The following IFT172 variants were observed in gnomAD, a reference collection of about 807,000 sequenced individuals.
IFT172 encodes the protein intraflagellar transport 172.
In IFT172, 164 loss-of-function variants were observed where a neutral mutation model predicts 248.9. That is an observed-to-expected ratio of 0.66 (90% CI 0.58 to 0.75). The LOEUF (loss-of-function observed/expected upper bound fraction) is 0.75, where lower values mean the gene tolerates loss of function less well. Among genes scored for constraint, IFT172 ranks in the 30% least tolerant of loss-of-function variants. IFT172 has a pLI of 0.00. For missense variants in IFT172, 1,950 were observed against 2,192.4 expected (o/e 0.89, Z 2.21); for synonymous variants, 729 against 791.6 (o/e 0.92, Z 1.33).
chr2:27,454,348 A>G lies in IFT172; in HGVS notation c.3530+6T>C. ...ACAGTATTAAGGAATGTATGGGGTA[A>G]CTCACATGAGGACTGCCTCCTTGGG... On this transcript the variant is annotated splice_donor_region_variant and intron_variant, in intron 32 of 47. Coordinates refer to ENST00000260570, the MANE Select transcript of IFT172 (RefSeq NM_015662.3). This position sits in a 1 kb window ranked among gnomAD's most constrained non-coding sequence, Gnocchi z 4.2. The G allele has an allele frequency of 6.2e-7, 1 of 1,614,116 alleles. No homozygotes were observed. The highest frequency in any genetic ancestry group is 8.5e-7 in the Non-Finnish European group (1 of 1,180,006).
intron 10 of IFT172, 55 bp downstream of exon 10, chr2:27,479,454 T>C: frequency 1.0e-6 from 1 of 956,350 alleles, no homozygotes; most frequent in Non-Finnish European, 1.7e-6. Flanking sequence ...GGAAATGTTA[T>C]AAGGAGGAAT....
chr2:27,463,057 T>C, intron 19 of IFT172, 40 bp downstream of exon 19: 4 of 1,601,714 alleles, frequency 2.5e-6, no homozygotes, highest in Non-Finnish European at 3.4e-6. Context: ...AGAAATCAGC[T>C]TGGGAGACAG....
At chr2:27,481,581 G>A (rs1477099292) in intron 7 of IFT172, among the ~76,000 whole-genome samples, 15 of 148,124 alleles carry the variant, frequency 1.0e-4, no homozygotes, top group African/African-American at 3.5e-4. Context: ...TCACTCTGCC[G>A]CCCAGGCTGG....
chr2:27,458,302 G>A, intron 26 of IFT172, 79 bp from the exon 27 acceptor site: 1 of 1,179,156 alleles, frequency 8.5e-7, no homozygotes, highest in Admixed American at 1.7e-5. Context: ...TGCTTGTTCA[G>A]AAACTCTGAA....
rs1190898841 is a variant in IFT172 at position 27,456,603 on chromosome 2, C to T, written c.3279G>A (p.Leu1093=). ...CCTCTCCTCCCAGGCTCTTTGCCCA[C>T]AGATAGGCCACGTGTTTGTGGGCAT... is the stretch of plus-strand genomic sequence containing the variant. ...GANAHKHVAY[L]WAKSLGGEAA... The change falls in exon 30 of 48, where the codon CTG becomes CTA. Residue 1093 remains leucine (L), a synonymous_variant. Transcript: ENST00000260570. 6.2e-7 allele frequency: 1 copy of T among 1,614,208 alleles called. No individual in the cohort carries two copies. The highest frequency in any genetic ancestry group is 8.5e-7 in the Non-Finnish European group (1 of 1,180,030).
Position 27,459,758 on chromosome 2 carries a change from C to T in IFT172, c.2593G>A (p.Val865Met), listed in dbSNP as rs758674130. 35 of 1,612,984 alleles carry T rather than the reference C, an allele frequency of 2.2e-5. No homozygotes were observed. The South Asian group carries it at 3.3e-4, about 15-fold the overall frequency. ...KLEEAWGDHLVQQKQLDAAIN... is the reference protein window; with the variant it reads ...KLEEAWGDHLMQQKQLDAAIN... ...GCTGCATCAAGCTGCTTCTGCTGCA[C>T]CAGGTGGTCCCCCCATGCCTCCTCT... The change falls in exon 24 of 48, where the codon GTG becomes ATG. Residue 865 changes from valine to methionine, a missense_variant. Val to Met is a conservative substitution (Grantham distance 21). Transcript: ENST00000260570.
chr2:27,485,153 A>G, intron 2 of IFT172, 23 bp from the exon 3 acceptor site: 1 of 1,468,160 alleles, frequency 6.8e-7, no homozygotes, highest in Non-Finnish European at 9.4e-7. Context: ...AAAAAAAAAA[A>G]GAAAGAAAAA....
intron 30 of IFT172, chr2:27,455,299 G>A (rs908903093): frequency 9.0e-6 from 3 of 331,934 alleles, no homozygotes; most frequent in South Asian, 2.6e-5. Flanking sequence ...GTAAATTGGC[G>A]ATTTTGAAAT....
In IFT172 at chr2:27,453,397, T is replaced by C. The variant is rs772455105; in HGVS notation, c.3938A>G (p.Lys1313Arg). Reference protein sequence around the residue: ...RDSGNSGLAEKCWMKAAELSI... With the variant: ...RDSGNSGLAERCWMKAAELSI... ...TGCTGTCCTCACCTTCATCCAGCAC[T>C]TCTCCGCCAGGCCGCTGTTTCCAGA... The change falls in exon 35 of 48, where the codon AAG becomes AGG. Residue 1313 changes from lysine (K) to arginine (R), a missense_variant. Physicochemically the swap from Lys to Arg is conservative, Grantham distance 26 (BLOSUM62 2). Transcript: ENST00000260570. 6.8e-6 allele frequency: 11 copies of C among 1,614,220 alleles called. No homozygotes were observed. The highest frequency in any genetic ancestry group is 9.3e-6 in the Non-Finnish European group (11 of 1,180,044).
Position 27,485,070 on chromosome 2 carries a change from CAATTTTAGTGGAATCAGGAG to C in IFT172, c.224_243del (p.Ser75CysfsTer6). ...ATGATGTTGTCAGTCTGTCCTATGGCAATTTTAGTGGAATCAGGAGAAAAAGCCATGCCCTTCACCATATA... is the reference window on the plus strand; with the variant it reads ...ATGATGTTGTCAGTCTGTCCTATGGCAAAAAGCCATGCCCTTCACCATATA... On this transcript the variant is annotated frameshift_variant, in exon 3 of 48. Transcript: ENST00000260570. LOFTEE classifies it high-confidence loss of function. 6.2e-7 allele frequency: 1 copy of C among 1,610,412 alleles called. No individual in the cohort carries two copies. Among genetic ancestry groups the C allele is most frequent in the Non-Finnish European group, 8.5e-7 (1 of 1,177,652 alleles).
intron 1 of IFT172, among the ~76,000 whole-genome samples, chr2:27,486,984 C>T (rs1205073146): frequency 6.6e-6 from 1 of 151,976 alleles, no homozygotes; most frequent in African/African-American, 2.4e-5. Context: ...ACTCTGTCCC[C>T]CAGACTGGAG....
intron 20 of IFT172, among the ~76,000 whole-genome samples, chr2:27,462,267 A>G (rs1213487640): frequency 6.6e-6 from 1 of 152,078 alleles, no homozygotes; most frequent in Non-Finnish European, 1.5e-5. Context: ...TCCTGACCTC[A>G]TGTGATCCAC....
Position 27,485,144 on chromosome 2 carries a change from A to C in IFT172, c.184-14T>G. 1 of 1,536,244 alleles carries C rather than the reference A, an allele frequency of 6.5e-7. No homozygotes were observed. Among genetic ancestry groups the C allele is most frequent in the East Asian group, 2.2e-5 (1 of 44,558 alleles). On this transcript the variant is annotated splice_polypyrimidine_tract_variant and intron_variant, in intron 2 of 47. Transcript: ENST00000260570. Reference sequence around the variant, plus strand: ...CTTCCTGCCATACTAAGAGTTTAAAAAAAAAAAAAGAAAGAAAAAGAAGTA... The same window carrying C: ...CTTCCTGCCATACTAAGAGTTTAAACAAAAAAAAAGAAAGAAAAAGAAGTA...
At chr2:27,484,296 A>G (rs1487631872) in intron 3 of IFT172, 30 bp from the exon 4 acceptor site, 9 of 1,612,788 alleles carry the variant, frequency 5.6e-6, no homozygotes. Flanking sequence ...GAAACATATT[A>G]AAAACCACTT....
In IFT172 at chr2:27,461,286, C is replaced by A; in HGVS notation, c.2425G>T (p.Gly809Trp). Residue 809 changes from glycine (G) to tryptophan (W), a missense_variant, in exon 22 of 48, where the codon GGG (glycine) becomes TGG (tryptophan). Physicochemically the swap from Gly to Trp is radical, Grantham distance 184 (BLOSUM62 -2). Around this residue, in one of 3 missense-constraint regions of IFT172, gnomAD observed 1,166 missense variants for 1,254.1 expected, o/e 0.93. Transcript: ENST00000260570. ...CAGCATACCCTTTCGTAGAGTTCCC[C>A]CTTGATAAGGGCTGCAGTGATGTGT... ...VEHITAALIK[G>W]ELYERAGDLF... The A allele has an allele frequency of 6.2e-7, 1 of 1,614,092 alleles. No individual in the cohort carries two copies. The highest frequency in any genetic ancestry group is 8.5e-7 in the Non-Finnish European group (1 of 1,180,008).
chr2:27,462,827 T>C (rs1341366581), intron 19 of IFT172, 34 bp from the exon 20 acceptor site: 1 of 1,596,130 alleles, frequency 6.3e-7, no homozygotes, highest in African/African-American at 1.3e-5. Flanking sequence ...GATTTTTCTG[T>C]AGGTGCTGCC....
In IFT172 at chr2:27,454,803, T is replaced by C; in HGVS notation, c.3372-143A>G. ...ACAAATATGAAGTGACAGAAAAGCG[T>C]GGAGAGATAAAAAGGAAGACGGGCA... On this transcript the variant is annotated intron_variant, in intron 30 of 47. Coordinates refer to ENST00000260570, the MANE Select transcript of IFT172 (RefSeq NM_015662.3). The surrounding 1 kb of genome is among the most constrained non-coding windows in gnomAD (Gnocchi z 4.2). 1 of 723,504 alleles carries C rather than the reference T, an allele frequency of 1.4e-6. No homozygotes were observed. The highest frequency in any genetic ancestry group is 2.3e-6 in the Non-Finnish European group (1 of 430,410). 44.8% of individuals were successfully genotyped at this position (723,504 alleles called of 1,614,324 possible).
chr2:27,448,180 A>G (rs1284817086), intron 40 of IFT172, among the ~76,000 whole-genome samples: 3 of 151,984 alleles, frequency 2.0e-5, no homozygotes, highest in Middle Eastern at 3.2e-3. Context: ...GCTCACTGCA[A>G]GCTCTGCCTC....
chr2:27,487,143 C>T (rs1668822077), intron 1 of IFT172, among the ~76,000 whole-genome samples: 1 of 152,108 alleles, frequency 6.6e-6, no homozygotes, highest in Admixed American at 6.6e-5. Context: ...CATGGTTTCA[C>T]CGTATTGCCC....
Sources: allele counts gnomAD v4.1 joint callset (sites outside exome capture counted in the v4.1 genomes callset), GRCh38; gene constraint gnomAD v4.1.1; regional missense constraint gnomAD v4.1.1; non-coding constraint Gnocchi (gnomAD v3.1); transcripts MANE v1.5; gene names NCBI Gene and HGNC (gene_info 2026-07-23, HGNC 2026-07-21).